Variants in ROCK2 observed in about 807,000 individuals in gnomAD.
ROCK2 encodes rho-associated protein kinase 2.
In ROCK2, 61 loss-of-function variants were observed where a neutral mutation model predicts 195.1. The observed-to-expected ratio is 0.31, with a 90% CI of 0.25 to 0.39. The LOEUF (loss-of-function observed/expected upper bound fraction) is 0.39. ROCK2 is among the 10% of genes least tolerant of loss of function. The pLI is 1.00. For synonymous variants in ROCK2, 504 were observed against 545.5 expected, an observed-to-expected ratio of 0.92 and a Z score of 1.06; for missense variants, 1,109 against 1,637.4, an observed-to-expected ratio of 0.68 and a Z score of 5.57.
At chr2:11,222,353 T>C (rs1011829334) in intron 7 of ROCK2, among the ~76,000 whole-genome samples, 179 bp from the exon 8 acceptor site, 1 of 152,166 alleles carries the variant, frequency 6.6e-6, no homozygotes, top group Non-Finnish European at 1.5e-5. Context: ...GTGATCTCTT[T>C]AGACAGATTT....
intron 11 of ROCK2, chr2:11,218,245 TGATA>T (rs1664500201): frequency 2.6e-6 from 1 of 382,722 alleles, no homozygotes; most frequent in South Asian, 1.0e-4. Context: ...TATATGTCCT[TGATA>T]AATAAAAACA....
intron 28 of ROCK2, 56 bp downstream of exon 28, chr2:11,194,899 A>G: frequency 1.0e-6 from 1 of 983,410 alleles, no homozygotes; most frequent in Non-Finnish European, 1.5e-6. Flanking sequence ...AAGCCAAATG[A>G]CTAGAGTTAA....
At chr2:11,218,510 T>C (rs1327140455) in intron 10 of ROCK2, 44 bp from the exon 11 acceptor site, 2 of 1,344,260 alleles carry the variant, frequency 1.5e-6, no homozygotes, top group East Asian at 2.3e-5. Context: ...ACTAAAATGA[T>C]GGTTATATTC....
At chr2:11,220,644 C>G (rs770723680) in intron 9 of ROCK2, among the ~76,000 whole-genome samples, 4 of 152,214 alleles carry the variant, frequency 2.6e-5, no homozygotes, top group African/African-American at 9.7e-5. Flanking sequence ...AATGCGAGTG[C>G]TCTGCTCCCA....
At chr2:11,335,434 C>T (rs1416641173) in intron 1 of ROCK2, among the ~76,000 whole-genome samples, 2 of 152,150 alleles carry the variant, frequency 1.3e-5, no homozygotes, top group Non-Finnish European at 2.9e-5. Flanking sequence ...TGCTAGTCCA[C>T]CAAGGGAAAA....
intron 1 of ROCK2, among the ~76,000 whole-genome samples, chr2:11,302,394 T>C (rs1056431825): frequency 4.0e-5 from 6 of 151,356 alleles, no homozygotes; most frequent in African/African-American, 9.7e-5. Context: ...GTCTGGCTCA[T>C]TGCAACCTCC....
chr2:11,337,494 A>G (rs866565218), intron 1 of ROCK2, among the ~76,000 whole-genome samples: 1 of 152,224 alleles, frequency 6.6e-6, no homozygotes, highest in African/African-American at 2.4e-5. Context: ...ATCATTCATC[A>G]TGAGGGAAAT....
chr2:11,316,514 TA>T (rs1051530187), intron 1 of ROCK2, among the ~76,000 whole-genome samples: 1 of 152,068 alleles, frequency 6.6e-6, no homozygotes, highest in African/African-American at 2.4e-5. Context: ...CTCAACAAAC[TA>T]AAAGGTTACA....
chr2:11,192,362 CTA>C lies in ROCK2; in HGVS notation c.3950-3_3950-2del. Reference sequence around the variant, plus strand: ...TTTGCCGTTGAAATATCATAATATACTATAAAGAAAAATTAGAAAAAAAAATT... The same window carrying C: ...TTTGCCGTTGAAATATCATAATATACTAAAGAAAAATTAGAAAAAAAAATT... On this transcript the variant is annotated splice_acceptor_variant and splice_polypyrimidine_tract_variant and intron_variant, in intron 31 of 32. Coordinates refer to ENST00000315872, the MANE Select transcript of ROCK2 (RefSeq NM_004850.5). LOFTEE classifies it high-confidence loss of function. This position sits in a 1 kb window ranked among gnomAD's most constrained non-coding sequence, Gnocchi z 5.0. 6.3e-7 allele frequency: 1 copy of C among 1,598,876 alleles called. No individual in the cohort carries two copies. Among genetic ancestry groups the C allele is most frequent in the East Asian group, 2.2e-5 (1 of 44,776 alleles).
chr2:11,192,467 A>C lies in ROCK2; in HGVS notation c.3933T>G (p.Ile1311Met). 6.2e-7 allele frequency: 1 copy of C among 1,614,122 alleles called. No individual in the cohort carries two copies. Among genetic ancestry groups the C allele is most frequent in the Non-Finnish European group, 8.5e-7 (1 of 1,179,994 alleles). The part of the protein sequence containing the change: ...HKDHMDKKEE[I>M]IAPCKVYYDI... ...ATCATTTACCTTTGCAAGGTGCTAT[A>C]ATCTCCTCCTTTTTGTCCATATGAT... Residue 1311 changes from isoleucine (I) to methionine (M), a missense_variant, in exon 31 of 33, where the codon ATT becomes ATG. Physicochemically the swap from Ile to Met is conservative, Grantham distance 10. This residue lies in a region of ROCK2 where 221 missense variants were observed against 355.1 expected (regional missense o/e 0.62). Coordinates refer to ENST00000315872, the MANE Select transcript of ROCK2 (RefSeq NM_004850.5). This position sits in a 1 kb window ranked among gnomAD's most constrained non-coding sequence, Gnocchi z 5.0.
chr2:11,251,639 G>A (rs1258798144), intron 3 of ROCK2, among the ~76,000 whole-genome samples: 2 of 152,154 alleles, frequency 1.3e-5, no homozygotes, highest in African/African-American at 2.4e-5. Context: ...AAAAGGAATG[G>A]CAACAAAGCC....
chr2:11,200,061 C>G (rs1160122342), intron 23 of ROCK2, among the ~76,000 whole-genome samples: 1 of 152,124 alleles, frequency 6.6e-6, no homozygotes, highest in Non-Finnish European at 1.5e-5. Flanking sequence ...GTTGTTTTAC[C>G]TAGGCTTTTC....
At chr2:11,294,728 CAT>C in intron 1 of ROCK2, among the ~76,000 whole-genome samples, 1 of 151,962 alleles carries the variant, frequency 6.6e-6, no homozygotes, top group South Asian at 2.1e-4. Flanking sequence ...CATAATGTAA[CAT>C]ATTGTTTAGA....
Position 11,198,509 on chromosome 2 carries a change from TTC to T in ROCK2, c.3079_3080del (p.Glu1027LysfsTer10), listed in dbSNP as rs1422038955. On this transcript the variant is annotated frameshift_variant, in exon 25 of 33. Coordinates refer to ENST00000315872, the MANE Select transcript of ROCK2 (RefSeq NM_004850.5). LOFTEE classifies it high-confidence loss of function. The part of the protein sequence containing the change: ...KAQFEKQLLT[E>X]RTLKTQAVNK... The stretch of plus-strand genomic sequence containing the variant: ...TACATACTTGAGTTTTGAGTGTTCT[TTC>T]TGTTAATAGCTGCTTCTCAAACTGT... 1 of 1,610,332 alleles carries T rather than the reference TTC, an allele frequency of 6.2e-7. No homozygotes were observed. Among genetic ancestry groups the T allele is most frequent in the Non-Finnish European group, 8.5e-7 (1 of 1,177,464 alleles).
chr2:11,235,645 A>G lies in ROCK2; in HGVS notation c.723+57T>C. ...AAACTATGAAGACCTGACTTAAAGT[A>G]TTTCATTTATTTCTGTCCCTCAAAA... On this transcript the variant is annotated intron_variant, in intron 5 of 32. Transcript: ENST00000315872. This position sits in a 1 kb window ranked among gnomAD's most constrained non-coding sequence, Gnocchi z 4.2. The G allele has an allele frequency of 6.6e-7, 1 of 1,516,838 alleles. No individual in the cohort carries two copies. The highest frequency in any genetic ancestry group is 1.8e-4 in the Middle Eastern group (1 of 5,656). The allele number at this position is 1,516,838 out of a possible 1,614,324, so 94.0% of individuals were successfully genotyped here.
At chr2:11,275,480 A>G (rs1315968348) in intron 3 of ROCK2, among the ~76,000 whole-genome samples, 2 of 152,128 alleles carry the variant, frequency 1.3e-5, no homozygotes, top group Non-Finnish European at 2.9e-5. Context: ...CTGAAAATTA[A>G]CAGAAAGATT....
At chr2:11,278,467 T>TA (rs1666899144) in intron 3 of ROCK2, among the ~76,000 whole-genome samples, 1 of 152,246 alleles carries the variant, frequency 6.6e-6, no homozygotes, top group Non-Finnish European at 1.5e-5. Context: ...TATCCATTGT[T>TA]AGACACTTAG....
chr2:11,185,744 T>TAAATAA (rs1360048462), intron 32 of ROCK2, among the ~76,000 whole-genome samples: 7 of 148,954 alleles, frequency 4.7e-5, no homozygotes, highest in African/African-American at 1.7e-4. Flanking sequence ...AATTAATAAA[T>TAAATAA]AAATAAAAAT....
At chr2:11,283,757 A>G (rs1465805037) in intron 3 of ROCK2, among the ~76,000 whole-genome samples, 1 of 152,202 alleles carries the variant, frequency 6.6e-6, no homozygotes, top group African/African-American at 2.4e-5. Flanking sequence ...CAGCGACAAG[A>G]CCAAATGCCA....
Sources: allele counts gnomAD v4.1 joint callset (sites outside exome capture counted in the v4.1 genomes callset), GRCh38; gene constraint gnomAD v4.1.1; regional missense constraint gnomAD v4.1.1; non-coding constraint Gnocchi (gnomAD v3.1); transcripts MANE v1.5; gene names NCBI Gene and HGNC (gene_info 2026-07-23, HGNC 2026-07-21).